FRMPD4: variants seen among roughly 807,000 people sequenced by gnomAD.
The protein encoded by FRMPD4 is FERM and PDZ domain containing 4, also known as FERM and PDZ domain-containing protein 4.
A neutral mutation model predicts 94.1 loss-of-function variants in FRMPD4; 22 were observed. The observed-to-expected ratio is 0.23, with a 90% CI of 0.17 to 0.33. The LOEUF is 0.33. FRMPD4 is among the 10% of genes least tolerant of loss of function. The pLI, the probability that FRMPD4 is intolerant of heterozygous loss-of-function variation, is 1.00. For missense variants in FRMPD4, 1,111 were observed against 1,339.9 expected (o/e 0.83, Z 2.67); for synonymous variants, 631 against 548.6 (o/e 1.15, Z -2.10).
intron 1 of FRMPD4, among the ~76,000 whole-genome samples, chrX:12,155,015 A>C (rs1473991199): frequency 8.9e-6 from 1 of 111,957 alleles, no homozygotes; most frequent in African/African-American, 3.2e-5. Flanking sequence ...CTTTTCTAGA[A>C]GCTAGAATTT....
In FRMPD4 at chrX:12,721,343, A is replaced by G; in HGVS notation, c.4774A>G (p.Ile1592Val). ...NLAFDARIAR[I>V]NALKESTYAM... ...GGCTTTTGATGCCCGGATTGCAAGA[A>G]TAAATGCCCTAAAGGAGAGCACATA... The change falls in exon 17 of 17, where the codon ATA becomes GTA. Residue 1592 changes from isoleucine to valine, a missense_variant. By Grantham distance (29) the Ile-to-Val change is conservative. This residue lies in a region of FRMPD4 where 551 missense variants were observed against 591.6 expected (regional missense o/e 0.93). Coordinates refer to ENST00000675598, the MANE Select transcript of FRMPD4 (RefSeq NM_001368397.1). The G allele has an allele frequency of 2.6e-6, 2 of 756,138 alleles. No homozygotes were observed. Among genetic ancestry groups the G allele is most frequent in the Non-Finnish European group, 3.1e-6 (2 of 639,334 alleles). The allele number at this position is 756,138 out of a possible 1,213,427, so 62.3% of individuals were successfully genotyped here. A position where few individuals can be genotyped will look rare whatever the true frequency, so the allele number is the denominator to read the frequency against.
intron 1 of FRMPD4, among the ~76,000 whole-genome samples, chrX:12,145,204 AGT>A (rs1346283364): frequency 1.8e-5 from 2 of 112,123 alleles, no homozygotes; most frequent in Non-Finnish European, 3.8e-5. Context: ...TGTAGGAATG[AGT>A]GTATTTTTCT....
Position 12,653,215 on chromosome X carries a change from G to A in FRMPD4, c.423-21648G>A, listed in dbSNP as rs900223741. On this transcript the variant is annotated intron_variant, in intron 4 of 16. Coordinates refer to ENST00000675598, the MANE Select transcript of FRMPD4 (RefSeq NM_001368397.1). ...TCTAAATTTGCAGTAAAAAAAATGC[G>A]AGCAATATTATTGTCATTCTTAAAA... Among the ~76,000 whole-genome samples the A allele has an allele frequency of 9.9e-5, 11 of 111,621 alleles. No individual in the cohort carries two copies. In the South Asian group the frequency reaches 1.5e-3, roughly 15 times the overall value.
chrX:11,922,613 G>T (rs1008542472), intron 3 of FRMPD4, among the ~76,000 whole-genome samples: 1 of 112,149 alleles, frequency 8.9e-6, no homozygotes, highest in African/African-American at 3.2e-5. Context: ...AACTGGCAAA[G>T]AGCAACCTGC....
At chrX:12,077,071 T>C (rs2055025357) in intron 3 of FRMPD4, among the ~76,000 whole-genome samples, 1 of 112,050 alleles carries the variant, frequency 8.9e-6, no homozygotes, top group South Asian at 3.7e-4. Context: ...TATTAATTCA[T>C]TTTTCTCATG....
At chrX:12,502,573 GC>G (rs2057934103) in intron 2 of FRMPD4, among the ~76,000 whole-genome samples, 1 of 111,802 alleles carries the variant, frequency 8.9e-6, no homozygotes, top group Non-Finnish European at 1.9e-5. Flanking sequence ...TACAATAACA[GC>G]ATCAATTAAT....
chrX:12,053,428 A>G lies in FRMPD4; in HGVS notation c.95+175410A>G, dbSNP rs371675539. On this transcript the variant is annotated intron_variant, in intron 3 of 18. Transcript: ENST00000640291. ...AAAGAAAGAAAGAAAGAAAGAAAGA[A>G]AGAGAAAGAAAGAAGAGAAGAGAAG... Among the ~76,000 whole-genome samples the G allele has an allele frequency of 5.7e-3, 531 of 92,978 alleles. 4 individuals carry two copies. Among genetic ancestry groups the G allele is most frequent in the East Asian group, 0.017 (44 of 2,635 alleles). The allele number at this position is 92,978 out of a possible 115,157, so 80.7% of individuals were successfully genotyped here.
At chrX:12,411,441 T>C (rs1460998821) in intron 1 of FRMPD4, among the ~76,000 whole-genome samples, 1 of 112,241 alleles carries the variant, frequency 8.9e-6, no homozygotes, top group Non-Finnish European at 1.9e-5. Context: ...CATGATGTAA[T>C]CTTTTGGAAG....
chrX:11,963,830 A>G (rs1331784755), intron 3 of FRMPD4, among the ~76,000 whole-genome samples: 1 of 111,451 alleles, frequency 9.0e-6, no homozygotes, highest in African/African-American at 3.3e-5. Flanking sequence ...ATTATAAGGG[A>G]AATTTGGGGG....
intron 2 of FRMPD4, among the ~76,000 whole-genome samples, chrX:11,872,446 A>C (rs1483364309): frequency 8.9e-6 from 1 of 112,512 alleles, no homozygotes; most frequent in Non-Finnish European, 1.9e-5. Context: ...GGGAGGATAA[A>C]ATCTCATTCT....
chrX:12,094,553 G>A (rs1185355688), intron 3 of FRMPD4, among the ~76,000 whole-genome samples: 1 of 111,977 alleles, frequency 8.9e-6, no homozygotes, highest in Non-Finnish European at 1.9e-5. Flanking sequence ...AACTATGGCC[G>A]TGTCCAGCTC....
chrX:12,657,706 C>T, intron 4 of FRMPD4, among the ~76,000 whole-genome samples: 1 of 112,117 alleles, frequency 8.9e-6, no homozygotes, highest in African/African-American at 3.2e-5. Context: ...GAGCTGTACA[C>T]TCAAGGCATG....
chrX:12,072,020 T>C (rs1233454543), intron 3 of FRMPD4, among the ~76,000 whole-genome samples: 2 of 111,367 alleles, frequency 1.8e-5, no homozygotes, highest in African/African-American at 6.5e-5. Context: ...AGCCAGGGTC[T>C]TGCTCTGTTC....
At chrX:12,477,133 T>G (rs1019436460) in intron 1 of FRMPD4, among the ~76,000 whole-genome samples, 5 of 111,658 alleles carry the variant, frequency 4.5e-5, no homozygotes, top group Non-Finnish European at 9.4e-5. Flanking sequence ...CCATAAAAAA[T>G]GATGAGTTCA....
chrX:12,524,636 G>A (rs146535409), intron 2 of FRMPD4, among the ~76,000 whole-genome samples: 98 of 111,637 alleles, frequency 8.8e-4, no homozygotes, highest in African/African-American at 3.0e-3. Context: ...AAGATGATGT[G>A]TAGTGTCCTT....
At chrX:12,492,717 C>A (rs189913932) in intron 1 of FRMPD4, among the ~76,000 whole-genome samples, 1 of 111,536 alleles carries the variant, frequency 9.0e-6, no homozygotes, top group Admixed American at 9.5e-5. Flanking sequence ...ATCTGTGGGG[C>A]TTTGAAGTTA....
chrX:12,572,432 C>A (rs903846377), intron 2 of FRMPD4, among the ~76,000 whole-genome samples: 1 of 112,154 alleles, frequency 8.9e-6, no homozygotes, highest in African/African-American at 3.2e-5. Flanking sequence ...TTTAAGAAAG[C>A]AAAATAAATG....
intron 3 of FRMPD4, among the ~76,000 whole-genome samples, chrX:12,071,690 A>G (rs143762954): frequency 0.026 from 2,881 of 111,301 alleles, 44 homozygotes; most frequent in Non-Finnish European, 0.04. Flanking sequence ...TTGAAGGCAA[A>G]CAGGCACAAT....
intron 1 of FRMPD4, among the ~76,000 whole-genome samples, chrX:11,823,991 A>G (rs996218318): frequency 8.9e-6 from 1 of 112,034 alleles, no homozygotes; most frequent in Non-Finnish European, 1.9e-5. Flanking sequence ...GGGGAAGCTG[A>G]TGGGACCATA....
Sources: gnomAD v4.1 joint callset for allele counts (sites outside exome capture counted in the v4.1 genomes callset) on GRCh38, gnomAD v4.1.1 for gene constraint, gnomAD v4.1.1 regional missense constraint, MANE v1.5 for transcripts, NCBI Gene and HGNC (gene_info 2026-07-23, HGNC 2026-07-21) for gene names.